The following FKBP1B variants were observed in gnomAD, a reference collection of about 807,000 sequenced individuals.
The protein encoded by FKBP1B is peptidyl-prolyl cis-trans isomerase FKBP1B.
In FKBP1B, 4 loss-of-function variants were observed where a neutral mutation model predicts 13.5. The ratio of observed to expected loss-of-function variants is 0.30; its 90% CI spans 0.15 to 0.68. FKBP1B has a LOEUF of 0.68. Among genes scored for constraint, FKBP1B ranks in the 30% least tolerant of loss-of-function variants. FKBP1B has a pLI of 0.76. For missense variants in FKBP1B, 93 were observed against 136.2 expected (o/e 0.68, Z 1.58); for synonymous variants, 54 against 53.6 (o/e 1.01, Z -0.03).
upstream of FKBP1B, among the ~76,000 whole-genome samples, chr2:24,048,755 T>A (rs1033479180): frequency 2.6e-5 from 4 of 152,150 alleles, no homozygotes; most frequent in African/African-American, 9.7e-5. Flanking sequence ...CTGAATGTAT[T>A]TTTTGGTGGA....
Position 24,063,459 on chromosome 2 carries a change from AC to A in FKBP1B, c.*268del. 7.9e-6 allele frequency: 3 copies of A among 381,852 alleles called. No individual in the cohort carries two copies. The highest frequency in any genetic ancestry group is 4.7e-6 in the Non-Finnish European group (1 of 214,156). 23.7% of individuals were successfully genotyped at this position (381,852 alleles called of 1,614,324 possible). The stretch of plus-strand genomic sequence containing the variant: ...ATGCATGTAGTAGCCTTTCCTGATG[AC>A]AGAACACAGATCTCTTGTTCGCACA... On this transcript the variant is annotated 3_prime_UTR_variant, in exon 4 of 4. Coordinates refer to ENST00000380986, the MANE Select transcript of FKBP1B (RefSeq NM_004116.5).
At chr2:24,041,686 C>G in the FKBP1B span, among the ~76,000 whole-genome samples, 1 of 151,594 alleles carries the variant, frequency 6.6e-6, no homozygotes, top group Non-Finnish European at 1.5e-5. Context: ...AACCCCATCT[C>G]TACTCAAAAT....
At chr2:24,037,754 G>C in the FKBP1B span, 1 of 1,614,148 alleles carries the variant, frequency 6.2e-7, no homozygotes, top group Non-Finnish European at 8.5e-7. Flanking sequence ...TTATGCAGAC[G>C]GTTTGTAAGT....
chr2:24,039,638 G>C, the FKBP1B span: 13 of 750,234 alleles, frequency 1.7e-5, no homozygotes, highest in Non-Finnish European at 2.7e-5. Context: ...AAAGGACAGG[G>C]GGAGTATTAT....
chr2:24,053,827 G>A, intron 1 of FKBP1B, 75 bp from the exon 2 acceptor site: 6 of 1,422,598 alleles, frequency 4.2e-6, no homozygotes, highest in Non-Finnish European at 6.0e-6. Flanking sequence ...GGAGCTCTTG[G>A]TCAGGATCAT....
intron 1 of FKBP1B, 37 bp downstream of exon 1, chr2:24,049,923 G>T: frequency 7.3e-7 from 1 of 1,377,704 alleles, no homozygotes; most frequent in Non-Finnish European, 9.4e-7. Context: ...GAGGGGAGGG[G>T]TCCCGGGGCG....
chr2:24,033,755 A>C, the FKBP1B span, among the ~76,000 whole-genome samples: 1 of 151,846 alleles, frequency 6.6e-6, no homozygotes, highest in East Asian at 1.9e-4. Flanking sequence ...TAAATAAATA[A>C]ATGAAGGACA....
At chr2:24,055,632 C>T (rs925214775) in intron 2 of FKBP1B, among the ~76,000 whole-genome samples, 5 of 152,156 alleles carry the variant, frequency 3.3e-5, no homozygotes, top group Admixed American at 6.6e-5. Context: ...ATTATGTCTG[C>T]GAGATATATC....
At chr2:24,046,762 C>G (rs1344722477), upstream of FKBP1B, among the ~76,000 whole-genome samples, 2 of 152,180 alleles carry the variant, frequency 1.3e-5, no homozygotes, top group Non-Finnish European at 2.9e-5. Flanking sequence ...AAAAAACATT[C>G]ATCCAAAGAA....
Position 24,060,297 on chromosome 2 carries a change from T to A in FKBP1B, c.86-517T>A, listed in dbSNP as rs1664325928. Among the ~76,000 whole-genome samples, 2 of 152,138 alleles carry A rather than the reference T, an allele frequency of 1.3e-5. 1 individual carries two copies. The highest frequency in any genetic ancestry group is 4.1e-4 in the South Asian group (2 of 4,828). The stretch of plus-strand genomic sequence containing the variant: ...CAGGCACAGTGGCTCATGCTTGTAA[T>A]CCCAGCACTTTGGGAGGCCAAGGTG... On this transcript the variant is annotated intron_variant, in intron 2 of 3. Coordinates refer to ENST00000380986, the MANE Select transcript of FKBP1B (RefSeq NM_004116.5).
chr2:24,049,968 C>G (rs917005870), intron 1 of FKBP1B, 82 bp downstream of exon 1: 191 of 1,171,442 alleles, frequency 1.6e-4, no homozygotes, highest in Non-Finnish European at 1.9e-4. Flanking sequence ...TCGGAGGTGG[C>G]GTGGAGGGTG....
chr2:24,063,033 T>G, intron 3 of FKBP1B, 31 bp from the exon 4 acceptor site: 1 of 1,614,206 alleles, frequency 6.2e-7, no homozygotes, highest in East Asian at 2.2e-5. Flanking sequence ...GTCCTCTTTC[T>G]CCTCTCCCCA....
rs1356882040 is a variant in FKBP1B, at chr2:24,054,233, T to A, written c.85+284T>A. ...TCAGTCCCCTTCCTTCTGTTGCAGG[T>A]ATGGTGGAGCCCCTGTCCCTGCTGG... On this transcript the variant is annotated intron_variant, in intron 2 of 3. Coordinates refer to ENST00000380986, the MANE Select transcript of FKBP1B (RefSeq NM_004116.5). 4.9e-6 allele frequency: 3 copies of A among 616,958 alleles called. No individual in the cohort carries two copies. In the Admixed American group the frequency reaches 8.1e-5, roughly 17 times the overall value. 38.2% of individuals were successfully genotyped at this position (616,958 alleles called of 1,614,324 possible). A position where few individuals can be genotyped will look rare whatever the true frequency, so the allele number is the denominator to read the frequency against.
At chr2:24,039,286 G>C in the FKBP1B span, 1 of 1,614,218 alleles carries the variant, frequency 6.2e-7, no homozygotes, top group Non-Finnish European at 8.5e-7. Flanking sequence ...TGTATCATCT[G>C]CAACAGGTGG....
At chr2:24,038,433 C>T in the FKBP1B span, 1 of 1,614,016 alleles carries the variant, frequency 6.2e-7, no homozygotes, top group East Asian at 2.2e-5. Flanking sequence ...AAGCCACTGC[C>T]ACTACGTGGG....
upstream of FKBP1B, among the ~76,000 whole-genome samples, chr2:24,045,631 G>GGAAGGAAGGAAGGA (rs367897717): frequency 1.7e-3 from 183 of 106,044 alleles, no homozygotes; most frequent in African/African-American, 8.1e-3. Context: ...GAGAGAGAGA[G>GGAAGGAAGGAAGGA]AGGAAGGAAG....
chr2:24,057,290 G>A (rs1664171403), intron 2 of FKBP1B, among the ~76,000 whole-genome samples: 2 of 151,818 alleles, frequency 1.3e-5, no homozygotes, highest in Non-Finnish European at 2.9e-5. Context: ...TGACCTCCTG[G>A]GTTCAAGGAC....
chr2:24,061,003 C>A, intron 3 of FKBP1B, 77 bp downstream of exon 3: 2 of 1,039,906 alleles, frequency 1.9e-6, no homozygotes, highest in Non-Finnish European at 1.5e-6. Flanking sequence ...CCACCTCCAC[C>A]TTCACCCACT....
At chr2:24,048,787 C>T (rs1168817204), upstream of FKBP1B, among the ~76,000 whole-genome samples, 3 of 152,122 alleles carry the variant, frequency 2.0e-5, no homozygotes, top group East Asian at 1.9e-4. Context: ...AAGTAGAATT[C>T]ATTTACATAT....
Sources: allele counts gnomAD v4.1 joint callset (sites outside exome capture counted in the v4.1 genomes callset), GRCh38; gene constraint gnomAD v4.1.1; transcripts MANE v1.5; gene names NCBI Gene and HGNC (gene_info 2026-07-23, HGNC 2026-07-21).